ARHGEF12: variants seen among roughly 807,000 people sequenced by gnomAD.
ARHGEF12 encodes the protein Rho guanine nucleotide exchange factor 12.
A neutral mutation model predicts 211.2 loss-of-function variants in ARHGEF12; 66 were observed. That is an observed-to-expected ratio of 0.31 (90% CI 0.26 to 0.38). The LOEUF (loss-of-function observed/expected upper bound fraction) is 0.38, where lower values mean the gene tolerates loss of function less well. Ranked by LOEUF, ARHGEF12 falls within the 10% of genes least tolerant of loss-of-function variation. The probability of loss-of-function intolerance (pLI) is 1.00; values close to 1 mark genes in which losing one functional copy is unlikely to be tolerated. For missense variants in ARHGEF12, 1,429 were observed against 1,869.5 expected (o/e 0.76, Z 4.34); for synonymous variants, 592 against 638.4 (o/e 0.93, Z 1.09).
At chr11:120,380,971 C>T (rs1304122535) in intron 1 of ARHGEF12, among the ~76,000 whole-genome samples, 1 of 152,104 alleles carries the variant, frequency 6.6e-6, no homozygotes, top group Non-Finnish European at 1.5e-5. Context: ...TGCCCCTATC[C>T]TTTTGTTTTT....
intron 1 of ARHGEF12, among the ~76,000 whole-genome samples, chr11:120,376,944 T>TAA (rs1385089579): frequency 6.6e-6 from 1 of 152,222 alleles, no homozygotes; most frequent in Non-Finnish European, 1.5e-5. Flanking sequence ...CCTTCAGTTC[T>TAA]ATTTATATTG....
chr11:120,481,203 T>C (rs1435647562), intron 38 of ARHGEF12, 57 bp from the exon 39 acceptor site: 9 of 1,507,448 alleles, frequency 6.0e-6, no homozygotes, highest in Non-Finnish European at 8.3e-6. Context: ...CACTATGCTA[T>C]TTCTGTTTTC....
In ARHGEF12 at chr11:120,457,154, A is replaced by G. The variant is rs780652739; in HGVS notation, c.2093A>G (p.Asp698Gly). The part of the protein sequence containing the change: ...KQVGETSAPG[D>G]TLDGTPRTLN... ...GTTGGAGAAACATCAGCACCTGGAG[A>G]CACCTTAGATGGCACACCTCGTACT... Residue 698 changes from aspartate (D) to glycine (G), a missense_variant, in exon 23 of 41, where the codon GAC (aspartate) becomes GGC (glycine). By Grantham distance (94) the Asp-to-Gly change is moderately conservative (BLOSUM62 -1). Transcript: ENST00000397843. The G allele has an allele frequency of 5.0e-6, 8 of 1,613,986 alleles. No individual in the cohort carries two copies. Among genetic ancestry groups the G allele is most frequent in the Non-Finnish European group, 5.9e-6 (7 of 1,179,948 alleles).
intron 1 of ARHGEF12, among the ~76,000 whole-genome samples, chr11:120,404,470 TAATC>T (rs1419463654): frequency 6.6e-6 from 1 of 152,382 alleles, no homozygotes; most frequent in East Asian, 1.9e-4. Flanking sequence ...GAGACGTTCT[TAATC>T]TATACTTGAA....
chr11:120,406,040 C>T lies in ARHGEF12; in HGVS notation c.33-78C>T, dbSNP rs2135570020. 27 of 1,068,392 alleles carry T rather than the reference C, an allele frequency of 2.5e-5. No homozygotes were observed. The South Asian group carries it at 2.9e-4, about 12-fold the overall frequency. 66.2% of individuals were successfully genotyped at this position (1,068,392 alleles called of 1,614,324 possible). On this transcript the variant is annotated intron_variant, in intron 1 of 40. Transcript: ENST00000397843. ...AAGATTTAAATCTCTTATTCTGGTT[C>T]AGTAGGATGAATAAATTTAGTAACA...
At chr11:120,443,618 C>A (rs567287775) in intron 15 of ARHGEF12, among the ~76,000 whole-genome samples, 4 of 152,284 alleles carry the variant, frequency 2.6e-5, no homozygotes, top group East Asian at 3.9e-4. Flanking sequence ...ACTTTCCTAA[C>A]CAACCTACTT....
rs1407550989 is a variant in ARHGEF12 at position 120,467,342 on chromosome 11, A to G, written c.2854+34A>G. ...TTTTCACTGAAATAAAAAGCTTAAG[A>G]ACAACAACAACGAAACACCCAATAT... On this transcript the variant is annotated intron_variant, in intron 29 of 40. Coordinates refer to ENST00000397843, the MANE Select transcript of ARHGEF12 (RefSeq NM_015313.3). 5.8e-6 allele frequency: 8 copies of G among 1,367,714 alleles called. No homozygotes were observed. The East Asian group carries it at 1.8e-4, about 31-fold the overall frequency. 84.7% of individuals were successfully genotyped at this position (1,367,714 alleles called of 1,614,324 possible).
Position 120,459,214 on chromosome 11 carries a change from G to A in ARHGEF12, c.2421G>A (p.Lys807=), listed in dbSNP as rs1490903120. Reference sequence around the variant, plus strand: ...AAAGAGCTCATGTTCGAACACTGAAGGTTCTTGATCAAGTGTTCTATCAGC... The same window carrying A: ...AAAGAGCTCATGTTCGAACACTGAAAGTTCTTGATCAAGTGTTCTATCAGC... ...YTERAHVRTL[K]VLDQVFYQRV... The change falls in exon 26 of 41, where the codon AAG becomes AAA. Residue 807 remains lysine, a synonymous_variant. Coordinates refer to ENST00000397843, the MANE Select transcript of ARHGEF12 (RefSeq NM_015313.3). The A allele has an allele frequency of 1.9e-6, 3 of 1,613,332 alleles. No homozygotes were observed. In the African/African-American group the frequency reaches 4.0e-5, roughly 22 times the overall value.
intron 10 of ARHGEF12, 87 bp from the exon 11 acceptor site, chr11:120,431,684 G>A (rs1466528848): frequency 2.2e-6 from 3 of 1,369,986 alleles, no homozygotes; most frequent in Non-Finnish European, 2.9e-6. Flanking sequence ...CATGTAGATT[G>A]TAGTACCACT....
chr11:120,383,043 G>A (rs1403445642), intron 1 of ARHGEF12, among the ~76,000 whole-genome samples: 1 of 152,156 alleles, frequency 6.6e-6, no homozygotes, highest in Admixed American at 6.5e-5. Flanking sequence ...GGAGGCTGAG[G>A]CAGGGGAATG....
intron 12 of ARHGEF12, chr11:120,439,519 G>A (rs1945801744): frequency 6.6e-6 from 1 of 152,352 alleles, no homozygotes; most frequent in Non-Finnish European, 1.5e-5. Flanking sequence ...AATGTCAACA[G>A]TGCCGCAGTT....
intron 7 of ARHGEF12, among the ~76,000 whole-genome samples, chr11:120,427,711 A>C (rs1945388967): frequency 6.6e-6 from 1 of 152,036 alleles, no homozygotes; most frequent in Non-Finnish European, 1.5e-5. Context: ...CATTTAAGAA[A>C]TTAATTAAAC....
rs550058899 is a variant in ARHGEF12, at chr11:120,455,835, G to A, written c.2057-1283G>A. The stretch of plus-strand genomic sequence containing the variant: ...TTGATAGAATTATATAACTTTGACA[G>A]CAATAAAAGAAAAGCATTTAGAAAT... On this transcript the variant is annotated intron_variant, in intron 22 of 40. Coordinates refer to ENST00000397843, the MANE Select transcript of ARHGEF12 (RefSeq NM_015313.3). 5.9e-5 allele frequency among the ~76,000 whole-genome samples: 9 copies of A among 152,242 alleles called. No homozygotes were observed. In the East Asian group the frequency reaches 1.7e-3, roughly 29 times the overall value.
Position 120,474,574 on chromosome 11 carries a change from A to G in ARHGEF12, c.3048A>G (p.Thr1016=), listed in dbSNP as rs1946971820. 1.2e-6 allele frequency: 2 copies of G among 1,611,248 alleles called. No homozygotes were observed. The highest frequency in any genetic ancestry group is 2.2e-5 in the East Asian group (1 of 44,798). Residue 1016 remains threonine, a synonymous_variant, in exon 32 of 41, where the codon ACA becomes ACG. Transcript: ENST00000397843. ...NVEELRNLDL[T]KRKMIHEGPL... ...TATTTTGCCAGAATTTGGATTTAAC[A>G]AAAAGGAAGATGATTCATGAAGGGC...
chr11:120,435,655 C>G (rs949853212), intron 11 of ARHGEF12, among the ~76,000 whole-genome samples: 11 of 151,718 alleles, frequency 7.3e-5, no homozygotes, highest in Non-Finnish European at 5.9e-5. Context: ...GCTGGGACTA[C>G]AGGTGTCTGC....
intron 1 of ARHGEF12, among the ~76,000 whole-genome samples, chr11:120,390,967 A>G (rs150801931): frequency 1.1e-3 from 165 of 152,354 alleles, no homozygotes; most frequent in Non-Finnish European, 1.8e-3. Context: ...CAGATACTGT[A>G]AGTATGCAAG....
chr11:120,410,167 CTG>C (rs1427465493), intron 4 of ARHGEF12: 3 of 152,120 alleles, frequency 2.0e-5, no homozygotes, highest in Admixed American at 2.0e-4. Flanking sequence ...TATTTCTAGA[CTG>C]TGTCCTGTCT....
At chr11:120,448,953 G>A (rs1033546698) in intron 20 of ARHGEF12, 156 bp from the exon 21 acceptor site, 12 of 605,326 alleles carry the variant, frequency 2.0e-5, no homozygotes, top group African/African-American at 7.4e-5. Flanking sequence ...TACTGTGTGC[G>A]AACTTTTAAT....
intron 1 of ARHGEF12, among the ~76,000 whole-genome samples, chr11:120,371,629 C>A (rs747769416): frequency 2.0e-5 from 3 of 152,148 alleles, no homozygotes; most frequent in Admixed American, 6.5e-5. Context: ...ATACACTCAC[C>A]TCAGTTAAAG....
Sources: gnomAD v4.1 joint callset for allele counts (sites outside exome capture counted in the v4.1 genomes callset) on GRCh38, gnomAD v4.1.1 for gene constraint, MANE v1.5 for transcripts, NCBI Gene and HGNC (gene_info 2026-07-23, HGNC 2026-07-21) for gene names.